The following DCTN1 variants were observed in gnomAD, a reference collection of about 807,000 sequenced individuals.
The protein encoded by DCTN1 is 150 kDa dynein-associated polypeptide.
DCTN1 carries 61 observed loss-of-function variants against 161.2 expected under a neutral mutation model. The ratio of observed to expected loss-of-function variants is 0.38; its 90% confidence interval spans 0.31 to 0.47. The LOEUF is 0.47. DCTN1 is among the 20% of genes least tolerant of loss of function. The probability of loss-of-function intolerance (pLI) is 0.99; values close to 1 mark genes in which losing one functional copy is unlikely to be tolerated. For synonymous variants in DCTN1, 653 were observed against 632.4 expected (o/e 1.03, Z -0.49); for missense variants, 1,404 against 1,623.7 (o/e 0.86, Z 2.33).
At chr2:74,381,996 GAC>G (rs1274076158), upstream of DCTN1, among the ~76,000 whole-genome samples, 2 of 152,172 alleles carry the variant, frequency 1.3e-5, no homozygotes, top group African/African-American at 2.4e-5. Flanking sequence ...CTTCCCTGAA[GAC>G]ACACAGACTG....
upstream of DCTN1, chr2:74,380,532 C>CCT: frequency 2.1e-6 from 1 of 472,526 alleles, no homozygotes; most frequent in Non-Finnish European, 4.4e-6. Flanking sequence ...GGATGTAAGG[C>CCT]CTCAGCAGGC....
chr2:74,382,587 TGA>T (rs1409321004), upstream of DCTN1, among the ~76,000 whole-genome samples: 1 of 128,056 alleles, frequency 7.8e-6, no homozygotes, highest in Non-Finnish European at 1.6e-5. Flanking sequence ...GGCGACAGAC[TGA>T]GACTCAAAAA....
chr2:74,366,967 G>C, intron 20 of DCTN1, 35 bp from the exon 21 acceptor site: 1 of 1,614,202 alleles, frequency 6.2e-7, no homozygotes. Flanking sequence ...GGAGAACCAA[G>C]TTAGCATTAA....
chr2:74,382,667 T>C (rs1457494334), upstream of DCTN1, among the ~76,000 whole-genome samples: 1 of 149,894 alleles, frequency 6.7e-6, no homozygotes, highest in African/African-American at 2.5e-5. Context: ...CCTGACATGA[T>C]ACTAAATGGT....
Position 74,365,577 on chromosome 2 carries a change from C to G in DCTN1, c.2967G>C (p.Glu989Asp). 1 of 1,614,138 alleles carries G rather than the reference C, an allele frequency of 6.2e-7. No individual in the cohort carries two copies. Among genetic ancestry groups the G allele is most frequent in the Non-Finnish European group, 8.5e-7 (1 of 1,180,016 alleles). Residue 989 changes from glutamate (E) to aspartate (D), a missense_variant, in exon 25 of 32, where the codon GAG becomes GAC. By Grantham distance (45) the Glu-to-Asp change is conservative. Transcript: ENST00000628224. ...GCCGAGTCTGGACTTTCTCGATGCG[C>G]TCATCTGCATCCTTGGCAGCACTGT... ...KLDSAAKDAD[E>D]RIEKVQTRLE...
upstream of DCTN1, chr2:74,383,949 G>A (rs948221701): frequency 1.3e-5 from 2 of 152,196 alleles, no homozygotes; most frequent in Non-Finnish European, 2.9e-5. Context: ...GAATATCCAC[G>A]ATGACTTGCG....
chr2:74,362,909 G>C (rs1343752917), intron 29 of DCTN1, 85 bp downstream of exon 29: 4 of 1,492,564 alleles, frequency 2.7e-6, no homozygotes, highest in Non-Finnish European at 3.7e-6. Flanking sequence ...CTTCTGTGGT[G>C]GGGGAACCAC....
rs1222000354 is a variant in DCTN1 at position 74,369,226 on chromosome 2, G to A, written c.1585-12C>T. Reference sequence around the variant, plus strand: ...TCCCGATTCACATCCTAGGAGGAGAGACAGTGAAGCACAGCTGGGTCATAA... The same window carrying A: ...TCCCGATTCACATCCTAGGAGGAGAAACAGTGAAGCACAGCTGGGTCATAA... On this transcript the variant is annotated splice_polypyrimidine_tract_variant and intron_variant, in intron 14 of 31. Transcript: ENST00000628224. The surrounding 1 kb of genome is among the most constrained non-coding windows in gnomAD (Gnocchi z 4.9). 12 of 1,614,046 alleles carry A rather than the reference G, an allele frequency of 7.4e-6. No homozygotes were observed. Among genetic ancestry groups the A allele is most frequent in the Admixed American group, 1.7e-5 (1 of 60,010 alleles).
rs200676625 is a variant in DCTN1 at position 74,361,493 on chromosome 2, G to A, written c.*6C>T. ...GGTCGAAGGGGACAGCAGGGGAAAG[G>A]AGTGCTTAGGAGATGAGGCGACTGT... On this transcript the variant is annotated 3_prime_UTR_variant, in exon 32 of 32. Transcript: ENST00000628224. The A allele has an allele frequency of 2.2e-5, 36 of 1,614,066 alleles. No homozygotes were observed. The East Asian group carries it at 7.8e-4, about 35-fold the overall frequency.
At position 74,361,339 on chromosome 2, in the gene DCTN1, G is replaced by C. The variant is rs1649881100; in HGVS notation, c.*160C>G. On this transcript the variant is annotated 3_prime_UTR_variant, in exon 32 of 32. Coordinates refer to ENST00000628224, the MANE Select transcript of DCTN1 (RefSeq NM_004082.5). ...ATGGGAGTGGGGGAACCCGGGTCAA[G>C]GTGAAGGGGCAGGACGCTGAAAGGG... 1 of 1,028,232 alleles carries C rather than the reference G, an allele frequency of 9.7e-7. No homozygotes were observed. The highest frequency in any genetic ancestry group is 2.0e-5 in the Admixed American group (1 of 50,352). 63.7% of individuals were successfully genotyped at this position (1,028,232 alleles called of 1,614,324 possible).
chr2:74,376,831 C>A, intron 4 of DCTN1, 69 bp from the exon 5 acceptor site: 1 of 1,463,722 alleles, frequency 6.8e-7, no homozygotes, highest in South Asian at 1.2e-5. Context: ...AAGACCAACT[C>A]GGGCTTACAC....
exon 1 of DCTN1, chr2:74,391,805 G>A (rs1051948033): frequency 3.3e-5 from 15 of 453,800 alleles, no homozygotes; most frequent in Admixed American, 2.6e-4. Context: ...TGCACTGTGA[G>A]GGGCTCCGCG....
chr2:74,365,083 A>C lies in DCTN1; in HGVS notation c.3188T>G (p.Ile1063Ser), dbSNP rs539226773. Residue 1063 changes from isoleucine to serine, a missense_variant, in exon 26 of 32, where the codon ATT becomes AGT. Transcript: ENST00000628224. ...TATTCCACAGTACTCACCACCAGCA[A>C]TGCCAGAGACCAGAGTAGCAATGCC... The part of the protein sequence containing the change: ...PSGIATLVSG[I>S]AGEEQQRGAI... 6.2e-7 allele frequency: 1 copy of C among 1,614,094 alleles called. No homozygotes were observed. Among genetic ancestry groups the C allele is most frequent in the Non-Finnish European group, 8.5e-7 (1 of 1,180,010 alleles).
chr2:74,361,197 A>G lies in DCTN1; in HGVS notation c.*302T>C, dbSNP rs1673955094. 1 of 526,146 alleles carries G rather than the reference A, an allele frequency of 1.9e-6. No individual in the cohort carries two copies. Among genetic ancestry groups the G allele is most frequent in the Non-Finnish European group, 3.6e-6 (1 of 274,698 alleles). 32.6% of individuals were successfully genotyped at this position (526,146 alleles called of 1,614,324 possible). On this transcript the variant is annotated 3_prime_UTR_variant, in exon 32 of 32. Transcript: ENST00000628224. ...CTTTAATCAAGGGGTGAAGTCCTCA[A>G]TCAAGGGGACCTCACTTAACCTTTG...
chr2:74,363,470 G>A (rs776579503), intron 27 of DCTN1, 43 bp from the exon 28 acceptor site: 7 of 1,609,044 alleles, frequency 4.4e-6, no homozygotes, highest in East Asian at 4.5e-5. Flanking sequence ...AAGTGGAAAG[G>A]GTTGAAAATT....
chr2:74,379,950 C>T, intron 1 of DCTN1, 55 bp downstream of exon 1: 2 of 1,575,810 alleles, frequency 1.3e-6, no homozygotes, highest in Non-Finnish European at 1.7e-6. Context: ...TGTCCACAGG[C>T]AGCCAGGCCT....
At chr2:74,382,850 A>G (rs1408615713), upstream of DCTN1, among the ~76,000 whole-genome samples, 1 of 151,898 alleles carries the variant, frequency 6.6e-6, no homozygotes, top group Non-Finnish European at 1.5e-5. Context: ...AGGCGGGTGG[A>G]TCATGAGGTC....
In DCTN1 at chr2:74,379,911, G is replaced by C. The variant is rs560232870; in HGVS notation, c.33+94C>G. On this transcript the variant is annotated intron_variant, in intron 1 of 31. Transcript: ENST00000628224. ...TCTGAGTGCCCTCAGCTGAGCTCCA[G>C]CCTATCTCCCCAGCCCCCACAGCAA... 5 of 1,330,968 alleles carry C rather than the reference G, an allele frequency of 3.8e-6. No homozygotes were observed. In the South Asian group the frequency reaches 6.0e-5, roughly 16 times the overall value. The allele number at this position is 1,330,968 out of a possible 1,614,324, so 82.4% of individuals were successfully genotyped here.
chr2:74,372,932 G>A lies in DCTN1; in HGVS notation c.449C>T (p.Pro150Leu), dbSNP rs1674972412. 1 of 1,614,060 alleles carries A rather than the reference G, an allele frequency of 6.2e-7. No homozygotes were observed. Among genetic ancestry groups the A allele is most frequent in the African/African-American group, 1.3e-5 (1 of 75,018 alleles). Reference sequence around the variant, plus strand: ...CACAGGGGCCTGTTTTCTCACCTTGGGTCGCCGAGTTGTGGTCTGGACAGG... The same window carrying A: ...CACAGGGGCCTGTTTTCTCACCTTGAGTCGCCGAGTTGTGGTCTGGACAGG... ...PTARKTTTRRPKPTRPASTGV... is the reference protein window; with the variant it reads ...PTARKTTTRRLKPTRPASTGV... The change falls in exon 7 of 32, where the codon CCC becomes CTC. Residue 150 changes from proline (P) to leucine (L), a missense_variant. By Grantham distance (98) the Pro-to-Leu change is moderately conservative. Coordinates refer to ENST00000628224, the MANE Select transcript of DCTN1 (RefSeq NM_004082.5).
Sources: allele counts gnomAD v4.1 joint callset (sites outside exome capture counted in the v4.1 genomes callset), GRCh38; gene constraint gnomAD v4.1.1; non-coding constraint Gnocchi (gnomAD v3.1); transcripts MANE v1.5; gene names NCBI Gene and HGNC (gene_info 2026-07-23, HGNC 2026-07-21).